TASP1: variants seen among roughly 807,000 people sequenced by gnomAD.
TASP1 encodes taspase 1.
Under a neutral mutation model 56.6 loss-of-function variants are expected in TASP1, and 16 were observed. The observed-to-expected ratio is 0.28, with a 90% CI of 0.19 to 0.43. The LOEUF (loss-of-function observed/expected upper bound fraction) is 0.43, where lower values mean the gene tolerates loss of function less well. TASP1 is among the 20% of genes least tolerant of loss of function. The pLI is 1.00. For synonymous variants in TASP1, 179 were observed against 184.2 expected, an observed-to-expected ratio of 0.97 and a Z score of 0.23; for missense variants, 393 against 511.6, an observed-to-expected ratio of 0.77 and a Z score of 2.24.
chr20:13,334,523 T>G, the TASP1 span, among the ~76,000 whole-genome samples: 2 of 152,194 alleles, frequency 1.3e-5, no homozygotes, highest in Non-Finnish European at 2.9e-5. Flanking sequence ...CATCTAACTT[T>G]CTACTAAAAT....
At chr20:13,109,777 C>T in the TASP1 span, among the ~76,000 whole-genome samples, 30 of 152,158 alleles carry the variant, frequency 2.0e-4, no homozygotes, top group African/African-American at 7.2e-4. Flanking sequence ...TTCATTTCAG[C>T]CTGCAACAAA....
At chr20:13,415,496 G>A (rs1359471557) in intron 13 of TASP1, among the ~76,000 whole-genome samples, 1 of 145,872 alleles carries the variant, frequency 6.9e-6, no homozygotes, top group East Asian at 2.0e-4. Flanking sequence ...GCTCAAAGGA[G>A]AAAGGAAGGA....
chr20:13,451,320 T>C (rs2043608635), intron 11 of TASP1, among the ~76,000 whole-genome samples: 1 of 152,114 alleles, frequency 6.6e-6, no homozygotes, highest in South Asian at 2.1e-4. Context: ...AGAGTCAGCA[T>C]GTTCTCAGAA....
chr20:13,460,416 C>T (rs569442300), intron 11 of TASP1, among the ~76,000 whole-genome samples: 4 of 152,234 alleles, frequency 2.6e-5, no homozygotes, highest in South Asian at 2.1e-4. Context: ...TTATCTGCAT[C>T]GATTTTCCTG....
At chr20:13,160,982 A>G in the TASP1 span, among the ~76,000 whole-genome samples, 19 of 152,346 alleles carry the variant, frequency 1.2e-4, no homozygotes, top group African/African-American at 3.4e-4. Context: ...TCATGTCATT[A>G]TGAAATAAAC....
the TASP1 span, among the ~76,000 whole-genome samples, chr20:13,367,151 G>C: frequency 1.2e-4 from 19 of 152,114 alleles, no homozygotes; most frequent in Admixed American, 1.3e-4. Flanking sequence ...AGACCCTCCC[G>C]ATTTTATATA....
In TASP1 at chr20:13,528,896, G is replaced by A. The variant is rs552656980; in HGVS notation, c.796-385C>T. 2.0e-5 allele frequency among the ~76,000 whole-genome samples: 3 copies of A among 152,212 alleles called. No homozygotes were observed. In the East Asian group the frequency reaches 5.8e-4, roughly 29 times the overall value. On this transcript the variant is annotated intron_variant, in intron 9 of 13. Transcript: ENST00000337743. ...CTAGGTGTGTGTCAGATCACTTGGG[G>A]AGCTTACTGATAAGAACCCTGATTC...
the TASP1 span, among the ~76,000 whole-genome samples, chr20:13,176,249 C>A: frequency 6.6e-6 from 1 of 152,120 alleles, no homozygotes; most frequent in African/African-American, 2.4e-5. Context: ...CTTTCTCTGG[C>A]CTCATTACTG....
the TASP1 span, among the ~76,000 whole-genome samples, chr20:13,267,269 C>T: frequency 2.6e-5 from 4 of 152,170 alleles, no homozygotes; most frequent in Non-Finnish European, 5.9e-5. Flanking sequence ...TATTACTTCC[C>T]ATCTTCCAAA....
chr20:13,592,795 G>T (rs1479197734), intron 4 of TASP1, among the ~76,000 whole-genome samples: 3 of 151,820 alleles, frequency 2.0e-5, no homozygotes, highest in African/African-American at 4.8e-5. Flanking sequence ...AAAATGATAG[G>T]TTAAGTAACT....
At chr20:13,216,652 T>A in the TASP1 span, among the ~76,000 whole-genome samples, 2 of 152,140 alleles carry the variant, frequency 1.3e-5, no homozygotes, top group African/African-American at 4.8e-5. Flanking sequence ...GTAATGAAAG[T>A]TCCTGGAACA....
the TASP1 span, among the ~76,000 whole-genome samples, chr20:13,180,223 A>G: frequency 3.3e-5 from 5 of 152,202 alleles, no homozygotes; most frequent in South Asian, 1.0e-3. Flanking sequence ...ATATCACAAG[A>G]TACAAACACT....
intron 10 of TASP1, among the ~76,000 whole-genome samples, chr20:13,497,311 A>G (rs976566981): frequency 5.3e-5 from 8 of 152,208 alleles, no homozygotes; most frequent in Non-Finnish European, 8.8e-5. Flanking sequence ...TGGGAAAAGT[A>G]AAAAAGAGCT....
chr20:13,126,640 C>G, the TASP1 span: 1 of 1,613,942 alleles, frequency 6.2e-7, no homozygotes, highest in Non-Finnish European at 8.5e-7. Flanking sequence ...GTTTATGCTT[C>G]ATCCATGAGC....
the TASP1 span, among the ~76,000 whole-genome samples, chr20:13,201,860 T>A: frequency 6.6e-6 from 1 of 151,910 alleles, no homozygotes; most frequent in African/African-American, 2.4e-5. Context: ...TTCAAGTGAT[T>A]CTCTTGCCTC....
At chr20:13,510,059 C>T (rs990623369) in intron 10 of TASP1, among the ~76,000 whole-genome samples, 3 of 151,996 alleles carry the variant, frequency 2.0e-5, no homozygotes, top group African/African-American at 7.3e-5. Flanking sequence ...CAAACCTTTA[C>T]GTGTACCCCT....
At chr20:13,188,402 C>T in the TASP1 span, among the ~76,000 whole-genome samples, 2 of 151,982 alleles carry the variant, frequency 1.3e-5, no homozygotes, top group Non-Finnish European at 2.9e-5. Context: ...CAATAGCAAA[C>T]AATCTGAAAA....
At chr20:13,421,976 G>T (rs1236231137) in intron 12 of TASP1, among the ~76,000 whole-genome samples, 2 of 124,800 alleles carry the variant, frequency 1.6e-5, no homozygotes, top group Non-Finnish European at 1.6e-5. Flanking sequence ...TTTTTTGACA[G>T]AGTCTCGCTC....
At chr20:13,348,208 G>A in the TASP1 span, among the ~76,000 whole-genome samples, 1 of 152,158 alleles carries the variant, frequency 6.6e-6, no homozygotes, top group Non-Finnish European at 1.5e-5. Flanking sequence ...ATGCCAAAGT[G>A]TTAACAGCAG....
Sources: allele counts gnomAD v4.1 joint callset (sites outside exome capture counted in the v4.1 genomes callset), GRCh38; gene constraint gnomAD v4.1.1; transcripts MANE v1.5; gene names NCBI Gene and HGNC (gene_info 2026-07-23, HGNC 2026-07-21).